The following ADGRB3 variants were observed in gnomAD, a reference collection of about 807,000 sequenced individuals.
ADGRB3 encodes brain-specific angiogenesis inhibitor 3.
ADGRB3 carries 37 observed loss-of-function variants against 193.4 expected under a neutral mutation model. The ratio of observed to expected loss-of-function variants is 0.19; its 90% CI spans 0.15 to 0.25. ADGRB3 has a LOEUF of 0.25. Ranked by LOEUF, ADGRB3 falls within the 10% of genes least tolerant of loss-of-function variation. ADGRB3 has a pLI of 1.00. For synonymous variants in ADGRB3, 690 were observed against 644.2 expected, an observed-to-expected ratio of 1.07 and a Z score of -1.08; for missense variants, 1,637 against 1,852.9, an observed-to-expected ratio of 0.88 and a Z score of 2.14.
chr6:69,017,656 A>G (rs182812829), intron 12 of ADGRB3, among the ~76,000 whole-genome samples: 2 of 152,022 alleles, frequency 1.3e-5, no homozygotes, highest in Admixed American at 6.6e-5. Flanking sequence ...GCAGGTAGAT[A>G]AGTAGGTAGA....
chr6:68,778,454 C>G (rs532882945), intron 3 of ADGRB3, among the ~76,000 whole-genome samples: 37 of 152,230 alleles, frequency 2.4e-4, no homozygotes, highest in African/African-American at 8.7e-4. Context: ...CTATGAAACA[C>G]AGGTATATTT....
intron 17 of ADGRB3, among the ~76,000 whole-genome samples, chr6:69,137,277 T>C (rs1774179534): frequency 6.6e-6 from 1 of 152,030 alleles, no homozygotes; most frequent in Non-Finnish European, 1.5e-5. Context: ...TAGGTTATAT[T>C]TGAATACTTT....
intron 17 of ADGRB3, among the ~76,000 whole-genome samples, chr6:69,148,520 G>A (rs140675670): frequency 6.6e-6 from 1 of 151,936 alleles, no homozygotes; most frequent in South Asian, 2.1e-4. Context: ...TATTATTTTT[G>A]ATTGGTTCAT....
intron 17 of ADGRB3, among the ~76,000 whole-genome samples, chr6:69,077,403 A>G (rs925811996): frequency 2.0e-5 from 3 of 151,916 alleles, no homozygotes; most frequent in African/African-American, 7.2e-5. Flanking sequence ...TTTAGTTTCC[A>G]TATCTCTGTG....
chr6:69,143,220 A>G (rs921931751), intron 17 of ADGRB3, among the ~76,000 whole-genome samples: 1 of 152,086 alleles, frequency 6.6e-6, no homozygotes, highest in Non-Finnish European at 1.5e-5. Context: ...GCTCATTTTA[A>G]TTGAATTCAC....
chr6:69,146,230 G>T (rs957439154), intron 17 of ADGRB3, among the ~76,000 whole-genome samples: 1 of 152,184 alleles, frequency 6.6e-6, no homozygotes, highest in African/African-American at 2.4e-5. Context: ...GTCTAAATTG[G>T]GAGGAGGCTG....
intron 3 of ADGRB3, among the ~76,000 whole-genome samples, chr6:68,807,633 GATA>G (rs1767432561): frequency 1.3e-5 from 2 of 151,974 alleles, no homozygotes; most frequent in South Asian, 4.1e-4. Context: ...GAAGCAGTAC[GATA>G]ATGATACATA....
At chr6:69,264,618 T>C (rs115462270) in intron 20 of ADGRB3, among the ~76,000 whole-genome samples, 473 of 151,964 alleles carry the variant, frequency 3.1e-3, no homozygotes, top group African/African-American at 0.011. Flanking sequence ...GGACTCAGAC[T>C]TGCATTCTCG....
intron 20 of ADGRB3, among the ~76,000 whole-genome samples, chr6:69,259,496 C>T (rs544800940): frequency 4.3e-4 from 65 of 152,098 alleles, no homozygotes; most frequent in African/African-American, 1.5e-3. Context: ...GAGATCGAGA[C>T]CATCCTGGCT....
chr6:69,121,424 A>G (rs1773683091), intron 17 of ADGRB3, among the ~76,000 whole-genome samples: 1 of 152,082 alleles, frequency 6.6e-6, no homozygotes, highest in Admixed American at 6.5e-5. Context: ...AGACACAGTA[A>G]CAATCTGATC....
chr6:69,095,586 T>G (rs368588817), intron 17 of ADGRB3, among the ~76,000 whole-genome samples: 26 of 152,296 alleles, frequency 1.7e-4, no homozygotes, highest in African/African-American at 6.0e-4. Context: ...CAATGTAAGA[T>G]TTTTCCGTTT....
intron 29 of ADGRB3, among the ~76,000 whole-genome samples, chr6:69,363,261 A>G (rs761056911): frequency 6.6e-6 from 1 of 152,032 alleles, no homozygotes; most frequent in Non-Finnish European, 1.5e-5. Flanking sequence ...TTACATCTTG[A>G]AAAGGAAGGA....
At chr6:69,194,547 G>A (rs1341049338) in intron 17 of ADGRB3, among the ~76,000 whole-genome samples, 1 of 152,110 alleles carries the variant, frequency 6.6e-6, no homozygotes, top group African/African-American at 2.4e-5. Context: ...GATTGCGTGA[G>A]AATGGGCTTG....
chr6:69,190,104 T>C (rs1227432723), intron 17 of ADGRB3, among the ~76,000 whole-genome samples: 2 of 152,180 alleles, frequency 1.3e-5, no homozygotes, highest in Non-Finnish European at 2.9e-5. Flanking sequence ...GCTACTGGCT[T>C]ATGTATTTAC....
intron 3 of ADGRB3, among the ~76,000 whole-genome samples, chr6:68,670,475 G>C (rs2802688): frequency 0.62 from 93,909 of 151,738 alleles, 29,636 homozygotes; most frequent in African/African-American, 0.73. Flanking sequence ...TAGTGTTGTT[G>C]TTCTGCATAT....
intron 3 of ADGRB3, among the ~76,000 whole-genome samples, chr6:68,752,493 G>A (rs867232195): frequency 6.6e-6 from 1 of 151,872 alleles, no homozygotes; most frequent in Non-Finnish European, 1.5e-5. Flanking sequence ...GACTGGTCTC[G>A]ATCTCCTGAA....
chr6:68,934,556 A>G (rs1199118584), intron 4 of ADGRB3, among the ~76,000 whole-genome samples: 3 of 152,190 alleles, frequency 2.0e-5, no homozygotes, highest in East Asian at 1.9e-4. Context: ...TAGAATCCAC[A>G]TTGTTCATAA....
intron 20 of ADGRB3, among the ~76,000 whole-genome samples, chr6:69,311,017 G>A (rs1037236295): frequency 2.0e-5 from 3 of 151,664 alleles, no homozygotes; most frequent in South Asian, 4.1e-4. Flanking sequence ...AACTAACCTG[G>A]TAGGGTTCCA....
At chr6:69,334,961 A>G (rs1768815468) in intron 24 of ADGRB3, among the ~76,000 whole-genome samples, 1 of 152,178 alleles carries the variant, frequency 6.6e-6, no homozygotes, top group South Asian at 2.1e-4. Flanking sequence ...ACATATAGCA[A>G]GCATTCACTC....
Sources: allele counts gnomAD v4.1 joint callset (sites outside exome capture counted in the v4.1 genomes callset), GRCh38; gene constraint gnomAD v4.1.1; transcripts MANE v1.5; gene names NCBI Gene and HGNC (gene_info 2026-07-23, HGNC 2026-07-21).